Variants in RSRC1 observed in about 807,000 individuals in gnomAD.
RSRC1 encodes the protein serine/Arginine-related protein 53.
Under a neutral mutation model 49.1 loss-of-function variants are expected in RSRC1, and 39 were observed. The ratio of observed to expected loss-of-function variants is 0.79; its 90% CI spans 0.61 to 1.04. The LOEUF (loss-of-function observed/expected upper bound fraction) is 1.04. Ranked by LOEUF, RSRC1 falls within the 50% of genes least tolerant of loss-of-function variation. The probability of loss-of-function intolerance (pLI) is 0.00; values close to 1 mark genes in which losing one functional copy is unlikely to be tolerated. For missense variants in RSRC1, 388 were observed against 402.4 expected (o/e 0.96, Z 0.31); for synonymous variants, 143 against 130.8 (o/e 1.09, Z -0.63).
intron 7 of RSRC1, among the ~76,000 whole-genome samples, chr3:158,533,708 A>C (rs114708407): frequency 0.018 from 2,670 of 151,830 alleles, 37 homozygotes; most frequent in Non-Finnish European, 0.025. Context: ...TTGGTTGGGA[A>C]TTAGTGACTG....
At chr3:158,256,394 A>T (rs1357523154) in intron 4 of RSRC1, among the ~76,000 whole-genome samples, 1 of 152,184 alleles carries the variant, frequency 6.6e-6, no homozygotes, top group Non-Finnish European at 1.5e-5. Flanking sequence ...CTAGCCTTGC[A>T]TCCCAGAGAT....
chr3:158,480,574 G>A (rs970882925), intron 7 of RSRC1, among the ~76,000 whole-genome samples: 6 of 151,818 alleles, frequency 4.0e-5, no homozygotes, highest in African/African-American at 7.3e-5. Context: ...ATCATGGCCC[G>A]CATATCAGTA....
chr3:158,323,583 G>A (rs1204000877), intron 5 of RSRC1, among the ~76,000 whole-genome samples: 2 of 152,112 alleles, frequency 1.3e-5, no homozygotes, highest in African/African-American at 4.8e-5. Flanking sequence ...CCACTACCCT[G>A]AACCAAGTCT....
At chr3:158,509,734 A>G (rs1175861115) in intron 7 of RSRC1, among the ~76,000 whole-genome samples, 1 of 152,198 alleles carries the variant, frequency 6.6e-6, no homozygotes, top group African/African-American at 2.4e-5. Flanking sequence ...GTTCAACATT[A>G]TGGTATACCA....
chr3:158,144,704 C>A (rs569583984), intron 3 of RSRC1, among the ~76,000 whole-genome samples: 1 of 152,168 alleles, frequency 6.6e-6, no homozygotes, highest in Non-Finnish European at 1.5e-5. Flanking sequence ...CCTGAAGAAT[C>A]GCCACACTGA....
At chr3:158,538,279 T>C (rs1362997575) in intron 8 of RSRC1, among the ~76,000 whole-genome samples, 1 of 151,906 alleles carries the variant, frequency 6.6e-6, no homozygotes, top group Non-Finnish European at 1.5e-5. Context: ...ATGTTAGGCA[T>C]AGGACCAGAT....
In RSRC1 at chr3:158,146,689, G is replaced by A. The variant is rs1246858384; in HGVS notation, c.320+22698G>A. ...CCCTCTTTTTCTATTGATTGGAATA[G>A]TTTCAGAAGGAATGGTACCAGCTCC... On this transcript the variant is annotated intron_variant, in intron 3 of 9. Transcript: ENST00000611884. Among the ~76,000 whole-genome samples the A allele has an allele frequency of 3.7e-4, 57 of 152,288 alleles. 1 individual carries two copies. The highest frequency in any genetic ancestry group is 2.1e-4 in the South Asian group (1 of 4,830).
At chr3:158,217,984 A>G (rs1166556306) in intron 4 of RSRC1, among the ~76,000 whole-genome samples, 1 of 151,454 alleles carries the variant, frequency 6.6e-6, no homozygotes, top group East Asian at 2.0e-4. Context: ...GAGAGGAAAC[A>G]TCATCAACAA....
chr3:158,350,455 G>A (rs997986336), intron 5 of RSRC1, among the ~76,000 whole-genome samples: 6 of 152,106 alleles, frequency 3.9e-5, no homozygotes, highest in African/African-American at 1.4e-4. Flanking sequence ...TTACGGGCAT[G>A]AGCCACCATG....
intron 4 of RSRC1, among the ~76,000 whole-genome samples, chr3:158,267,878 T>TG (rs59555413): frequency 1.5e-5 from 2 of 133,298 alleles, no homozygotes; most frequent in Non-Finnish European, 3.4e-5. Context: ...TTTTTTTTTT[T>TG]GGCTTAAAAA....
chr3:158,277,518 A>C (rs1220156097), intron 4 of RSRC1, among the ~76,000 whole-genome samples: 1 of 152,174 alleles, frequency 6.6e-6, no homozygotes, highest in Non-Finnish European at 1.5e-5. Flanking sequence ...TGAATATGGA[A>C]ATTTTCTTTA....
At chr3:158,486,206 A>G (rs1239440421) in intron 7 of RSRC1, among the ~76,000 whole-genome samples, 2 of 152,150 alleles carry the variant, frequency 1.3e-5, no homozygotes, top group African/African-American at 4.8e-5. Flanking sequence ...TCTAATGACT[A>G]ATTGATAAAT....
chr3:158,390,688 A>G (rs1431202506), intron 6 of RSRC1, among the ~76,000 whole-genome samples: 1 of 152,184 alleles, frequency 6.6e-6, no homozygotes, highest in Non-Finnish European at 1.5e-5. Context: ...AGGGAGGTTA[A>G]TTAAACATCA....
Position 158,267,304 on chromosome 3 carries a change from A to G in RSRC1, c.495-30735A>G, listed in dbSNP as rs201534927. ...ATCTTTGGCTTTCAGAAGTTTGACT[A>G]TCATGCGTGAGAGTGATTTTTGTTC... On this transcript the variant is annotated intron_variant, in intron 4 of 9. Transcript: ENST00000611884. 1.8e-4 allele frequency among the ~76,000 whole-genome samples: 28 copies of G among 152,262 alleles called. No homozygotes were observed. The East Asian group carries it at 3.9e-3, about 21-fold the overall frequency.
At chr3:158,137,117 G>C (rs139115356) in intron 3 of RSRC1, among the ~76,000 whole-genome samples, 3 of 152,188 alleles carry the variant, frequency 2.0e-5, no homozygotes, top group Non-Finnish European at 2.9e-5. Flanking sequence ...TCCTCAACTG[G>C]AATGAGCAGC....
intron 6 of RSRC1, among the ~76,000 whole-genome samples, chr3:158,376,135 A>T (rs1288879687): frequency 9.4e-6 from 1 of 106,226 alleles, no homozygotes; most frequent in Non-Finnish European, 1.8e-5. Flanking sequence ...TGGAAAGAAT[A>T]TATCCCTCCC....
At chr3:158,388,042 T>C (rs7641036) in intron 6 of RSRC1, among the ~76,000 whole-genome samples, 33,097 of 152,046 alleles carry the variant, frequency 0.22, 4,225 homozygotes, top group Non-Finnish European at 0.29. Context: ...CAAGAAGTAA[T>C]AAATGAAATT....
At chr3:158,445,203 G>C (rs570120964) in intron 6 of RSRC1, among the ~76,000 whole-genome samples, 1 of 152,030 alleles carries the variant, frequency 6.6e-6, no homozygotes, top group Non-Finnish European at 1.5e-5. Flanking sequence ...ACATATGCAC[G>C]GGTATGTTTA....
intron 5 of RSRC1, among the ~76,000 whole-genome samples, chr3:158,346,198 G>A (rs1730545262): frequency 6.6e-6 from 1 of 152,060 alleles, no homozygotes. Context: ...TGTAATCCCA[G>A]CACCTTGGGA....
Sources: allele counts gnomAD v4.1 joint callset (sites outside exome capture counted in the v4.1 genomes callset), GRCh38; gene constraint gnomAD v4.1.1; transcripts MANE v1.5; gene names NCBI Gene and HGNC (gene_info 2026-07-23, HGNC 2026-07-21).